NBAS: variants seen among roughly 807,000 people sequenced by gnomAD.
NBAS encodes the protein NAG/BC035112 fusion.
Under a neutral mutation model 302.5 loss-of-function variants are expected in NBAS, and 219 were observed. The ratio of observed to expected loss-of-function variants is 0.72; its 90% CI spans 0.65 to 0.81. NBAS has a LOEUF of 0.81. Among genes scored for constraint, NBAS ranks in the 30% least tolerant of loss-of-function variants. The pLI is 0.00. For missense variants in NBAS, 2,932 were observed against 2,841.6 expected, an observed-to-expected ratio of 1.03 and a Z score of -0.72; for synonymous variants, 1,118 against 1,021.6, an observed-to-expected ratio of 1.09 and a Z score of -1.80.
At chr2:15,496,664 AGAGG>A (rs976689902) in intron 11 of NBAS, among the ~76,000 whole-genome samples, 3 of 151,896 alleles carry the variant, frequency 2.0e-5, no homozygotes, top group Admixed American at 1.3e-4. Context: ...AAGGAGGGAG[AGAGG>A]GAGGAAGGAA....
At chr2:14,875,859 A>AG in the NBAS span, among the ~76,000 whole-genome samples, 18 of 152,282 alleles carry the variant, frequency 1.2e-4, no homozygotes, top group Admixed American at 5.2e-4. Flanking sequence ...CTGGAAAGGA[A>AG]GGGGAAAAAA....
At chr2:15,320,535 A>G (rs1300908099) in intron 38 of NBAS, among the ~76,000 whole-genome samples, 41 of 152,194 alleles carry the variant, frequency 2.7e-4, no homozygotes, top group Non-Finnish European at 8.8e-5. Flanking sequence ...AAGCTGATAA[A>G]CAACTTCAGC....
At chr2:15,144,645 T>A in the NBAS span, among the ~76,000 whole-genome samples, 1 of 152,000 alleles carries the variant, frequency 6.6e-6, no homozygotes, top group Non-Finnish European at 1.5e-5. Context: ...ACAGCACACA[T>A]CCACTGGCTT....
chr2:15,558,115 A>G (rs1664729166), intron 2 of NBAS, among the ~76,000 whole-genome samples: 1 of 152,152 alleles, frequency 6.6e-6, no homozygotes, highest in Non-Finnish European at 1.5e-5. Context: ...GGTTTTGTGG[A>G]AGACAATTTT....
At chr2:15,034,302 AAGAT>A in the NBAS span, among the ~76,000 whole-genome samples, 1 of 132,064 alleles carries the variant, frequency 7.6e-6, no homozygotes, top group African/African-American at 3.0e-5. Flanking sequence ...GAAAGAAAGA[AAGAT>A]GGAGAGAGGG....
At chr2:15,089,961 G>A in the NBAS span, among the ~76,000 whole-genome samples, 1 of 152,102 alleles carries the variant, frequency 6.6e-6, no homozygotes, top group East Asian at 1.9e-4. Context: ...TGTTGGCCAG[G>A]CTGGTCTTGA....
At chr2:14,985,116 A>G in the NBAS span, among the ~76,000 whole-genome samples, 2 of 152,242 alleles carry the variant, frequency 1.3e-5, no homozygotes, top group Non-Finnish European at 2.9e-5. Flanking sequence ...GAGCAGAGGT[A>G]AATGTACAGT....
the NBAS span, among the ~76,000 whole-genome samples, chr2:15,001,669 T>C: frequency 4.9e-4 from 75 of 152,190 alleles, no homozygotes; most frequent in Non-Finnish European, 4.4e-5. Flanking sequence ...ACTTCAAGAA[T>C]GAAGCCGCGG....
At chr2:14,970,093 T>A in the NBAS span, among the ~76,000 whole-genome samples, 1 of 152,142 alleles carries the variant, frequency 6.6e-6, no homozygotes, top group Non-Finnish European at 1.5e-5. Flanking sequence ...TTTAGAAAAA[T>A]TAGTTAATTT....
chr2:15,087,414 A>T, the NBAS span, among the ~76,000 whole-genome samples: 2 of 152,330 alleles, frequency 1.3e-5, no homozygotes, highest in Admixed American at 1.3e-4. Context: ...CTTGAGCATG[A>T]TGTCTATGGT....
the NBAS span, among the ~76,000 whole-genome samples, chr2:14,918,737 AG>A: frequency 6.6e-6 from 1 of 152,262 alleles, no homozygotes; most frequent in Admixed American, 6.5e-5. Flanking sequence ...TGTTTTAAAA[AG>A]CTCACCATGG....
chr2:15,256,841 TTA>T (rs774532532), intron 44 of NBAS, among the ~76,000 whole-genome samples: 14 of 152,228 alleles, frequency 9.2e-5, no homozygotes, highest in Non-Finnish European at 1.9e-4. Context: ...TTAATTCTGT[TTA>T]TGTGATATAT....
chr2:15,243,239 T>A (rs1365798960), intron 44 of NBAS, among the ~76,000 whole-genome samples: 1 of 152,206 alleles, frequency 6.6e-6, no homozygotes, highest in East Asian at 1.9e-4. Context: ...TAGGATGAGC[T>A]GTGTTCCAGC....
the NBAS span, among the ~76,000 whole-genome samples, chr2:14,971,067 AT>A: frequency 6.6e-6 from 1 of 152,174 alleles, no homozygotes; most frequent in Non-Finnish European, 1.5e-5. Context: ...GCAGGTTTAA[AT>A]TTTATTCATT....
intron 21 of NBAS, among the ~76,000 whole-genome samples, chr2:15,449,074 G>T (rs553872275): frequency 6.6e-6 from 1 of 152,052 alleles, no homozygotes; most frequent in African/African-American, 2.4e-5. Context: ...TCTGAGTCTA[G>T]TAATAGCATC....
At chr2:15,307,299 G>GA (rs1043668685) in intron 40 of NBAS, among the ~76,000 whole-genome samples, 1 of 152,178 alleles carries the variant, frequency 6.6e-6, no homozygotes, top group African/African-American at 2.4e-5. Flanking sequence ...GGCGAGATAT[G>GA]AAAGGTGGGA....
At chr2:15,133,462 G>A in the NBAS span, among the ~76,000 whole-genome samples, 436 of 152,282 alleles carry the variant, frequency 2.9e-3, 1 homozygote, top group African/African-American at 0.01. Flanking sequence ...ATTAGCAAAG[G>A]TGTCAAACTG....
At chr2:15,505,834 A>C (rs926944824) in intron 10 of NBAS, among the ~76,000 whole-genome samples, 21 of 152,194 alleles carry the variant, frequency 1.4e-4, no homozygotes, top group African/African-American at 5.1e-4. Flanking sequence ...AGCATTTGAG[A>C]ATGTGGACAA....
intron 9 of NBAS, among the ~76,000 whole-genome samples, chr2:15,518,853 AG>A (rs1281681818): frequency 6.6e-6 from 1 of 152,146 alleles, no homozygotes; most frequent in African/African-American, 2.4e-5. Context: ...GCTTGTGCAG[AG>A]AAACTCCCAT....
Sources: gnomAD v4.1 joint callset for allele counts (sites outside exome capture counted in the v4.1 genomes callset) on GRCh38, gnomAD v4.1.1 for gene constraint, MANE v1.5 for transcripts, NCBI Gene and HGNC (gene_info 2026-07-23, HGNC 2026-07-21) for gene names.